Variants in PDE8A observed in about 807,000 individuals in gnomAD.
PDE8A encodes the protein high affinity cAMP-specific and IBMX-insensitive 3',5'-cyclic phosphodiesterase 8A.
PDE8A carries 59 observed loss-of-function variants against 105.0 expected under a neutral mutation model. That is an observed-to-expected ratio of 0.56 (90% CI 0.46 to 0.70). PDE8A has a LOEUF of 0.70. PDE8A is among the 30% of genes least tolerant of loss of function. PDE8A has a pLI of 0.00. For synonymous variants in PDE8A, 355 were observed against 371.9 expected (o/e 0.95, Z 0.52); for missense variants, 1,014 against 1,045.9 (o/e 0.97, Z 0.42).
At chr15:85,092,920 C>CTTTTT (rs5814181) in intron 8 of PDE8A, among the ~76,000 whole-genome samples, 3 of 132,050 alleles carry the variant, frequency 2.3e-5, no homozygotes, top group African/African-American at 5.7e-5. Context: ...TACTGCTTTC[C>CTTTTT]TTTTTTTTTT....
At position 85,136,524 on chromosome 15, in the gene PDE8A, T is replaced by C. The variant is rs1367890445; in HGVS notation, c.2254-10T>C. 9 of 1,610,998 alleles carry C rather than the reference T, an allele frequency of 5.6e-6. No homozygotes were observed. Among genetic ancestry groups the C allele is most frequent in the African/African-American group, 1.3e-5 (1 of 74,980 alleles). On this transcript the variant is annotated splice_polypyrimidine_tract_variant and intron_variant, in intron 20 of 21. Coordinates refer to ENST00000394553, the MANE Select transcript of PDE8A (RefSeq NM_002605.3). ...GTTGGGGTCTCCTGATCACATTTTCTGCTTTACAGACTGATGAAGAGAAGC... is the reference window on the plus strand; with the variant it reads ...GTTGGGGTCTCCTGATCACATTTTCCGCTTTACAGACTGATGAAGAGAAGC...
intron 3 of PDE8A, among the ~76,000 whole-genome samples, chr15:85,069,277 T>C (rs146431967): frequency 1.1e-4 from 16 of 152,332 alleles, no homozygotes; most frequent in African/African-American, 3.4e-4. Context: ...GCAGAGAATG[T>C]CAGATGTGCC....
intron 1 of PDE8A, among the ~76,000 whole-genome samples, chr15:85,058,294 C>G (rs12908535): frequency 0.14 from 21,119 of 151,976 alleles, 1,911 homozygotes; most frequent in Middle Eastern, 0.24. Context: ...GTTATTTTGC[C>G]TAGGCTTGTC....
intron 1 of PDE8A, among the ~76,000 whole-genome samples, chr15:85,005,821 A>G (rs986160838): frequency 1.3e-5 from 2 of 152,104 alleles, no homozygotes; most frequent in African/African-American, 2.4e-5. Context: ...TAAAAAATAC[A>G]TATAATAAGT....
intron 8 of PDE8A, among the ~76,000 whole-genome samples, chr15:85,095,657 A>G (rs1351383233): frequency 6.6e-6 from 1 of 150,914 alleles, no homozygotes; most frequent in African/African-American, 2.4e-5. Context: ...ACTAAATCTT[A>G]TATGATATTT....
In PDE8A at chr15:85,138,376, A is replaced by T. The variant is rs919368378; in HGVS notation, c.*473A>T. On this transcript the variant is annotated 3_prime_UTR_variant, in exon 22 of 22. Coordinates refer to ENST00000394553, the MANE Select transcript of PDE8A (RefSeq NM_002605.3). The stretch of plus-strand genomic sequence containing the variant: ...ACTACTGAGAGTGACTTCTCTTTTA[A>T]AATTGAGTAGCAGATGAAAAATTAA... 2 of 152,882 alleles carry T rather than the reference A, an allele frequency of 1.3e-5. No individual in the cohort carries two copies. The highest frequency in any genetic ancestry group is 2.9e-5 in the Non-Finnish European group (2 of 68,244). The allele number at this position is 152,882 out of a possible 1,614,324, so 9.5% of individuals were successfully genotyped here.
intron 12 of PDE8A, among the ~76,000 whole-genome samples, chr15:85,111,917 G>A (rs1452404661): frequency 1.3e-5 from 2 of 152,056 alleles, no homozygotes; most frequent in African/African-American, 2.4e-5. Context: ...TTTATTCTTA[G>A]GTATTGATGG....
At chr15:85,136,725 G>A (rs1596554717) in intron 21 of PDE8A, 62 bp downstream of exon 21, 1 of 1,498,460 alleles carries the variant, frequency 6.7e-7, no homozygotes. Context: ...GCGTATGAAA[G>A]AGCAGAGTGC....
rs113595249 is a variant in PDE8A at position 84,995,648 on chromosome 15, C to T, written c.186+13300C>T. On this transcript the variant is annotated intron_variant, in intron 1 of 21. Transcript: ENST00000394553. The stretch of plus-strand genomic sequence containing the variant: ...TGTACTTTTATATAAGACTTCTTTC[C>T]CTAAGCGTTATGTTTTTGGGATTCA... Among the ~76,000 whole-genome samples the T allele has an allele frequency of 3.2e-3, 492 of 152,226 alleles. 2 individuals are homozygous for T. The highest frequency in any genetic ancestry group is 0.011 in the African/African-American group (477 of 41,550).
chr15:85,068,462 T>G (rs1382526276), intron 3 of PDE8A, among the ~76,000 whole-genome samples: 2 of 152,178 alleles, frequency 1.3e-5, no homozygotes, highest in Non-Finnish European at 1.5e-5. Flanking sequence ...AGGTCCTTGT[T>G]TGGCTCTTCC....
At chr15:85,123,607 A>G (rs773030956) in intron 19 of PDE8A, among the ~76,000 whole-genome samples, 2 of 152,072 alleles carry the variant, frequency 1.3e-5, no homozygotes, top group African/African-American at 4.8e-5. Flanking sequence ...TTTGATGGCA[A>G]TTGATTTGAT....
At chr15:85,004,787 C>G (rs1050260909) in intron 1 of PDE8A, among the ~76,000 whole-genome samples, 1 of 150,476 alleles carries the variant, frequency 6.6e-6, no homozygotes, top group African/African-American at 2.4e-5. Flanking sequence ...ATGGATGTAT[C>G]TTAGTTTCAC....
rs2081186951 is a variant in PDE8A at position 85,064,210 on chromosome 15, C to T, written c.187-160C>T. The stretch of plus-strand genomic sequence containing the variant: ...TTTTCCTGGGGGCTATAAGGAGATC[C>T]TTAGGATTCCTCATAATCATTTCAT... On this transcript the variant is annotated intron_variant, in intron 1 of 21. Transcript: ENST00000394553. 3 of 553,634 alleles carry T rather than the reference C, an allele frequency of 5.4e-6. No individual in the cohort carries two copies. The African/African-American group carries it at 5.7e-5, about 11-fold the overall frequency. 34.3% of individuals were successfully genotyped at this position (553,634 alleles called of 1,614,324 possible).
At position 85,071,663 on chromosome 15, in the gene PDE8A, C is replaced by T. The variant is rs536875494; in HGVS notation, c.435-4199C>T. Among the ~76,000 whole-genome samples the T allele has an allele frequency of 1.8e-4, 28 of 152,272 alleles. 1 individual carries two copies. The highest frequency in any genetic ancestry group is 1.7e-3 in the East Asian group (9 of 5,186). ...GAACTGTGCTTGTTGATGTGATCTA[C>T]CGCCCAGACCTAAGAGGAGGACAGC... On this transcript the variant is annotated intron_variant, in intron 3 of 21. Transcript: ENST00000394553.
intron 5 of PDE8A, 61 bp downstream of exon 5, chr15:85,076,848 G>T: frequency 9.4e-7 from 1 of 1,060,556 alleles, no homozygotes; most frequent in South Asian, 1.3e-5. Flanking sequence ...TTTTATCTCA[G>T]TTCAGTACCC....
At chr15:85,123,621 G>A (rs930757782) in intron 19 of PDE8A, among the ~76,000 whole-genome samples, 1 of 151,992 alleles carries the variant, frequency 6.6e-6, no homozygotes, top group African/African-American at 2.4e-5. Flanking sequence ...ATTTGATTGT[G>A]CCCACCAGAT....
At chr15:85,013,600 T>A (rs2080275004) in intron 1 of PDE8A, among the ~76,000 whole-genome samples, 1 of 152,252 alleles carries the variant, frequency 6.6e-6, no homozygotes, top group African/African-American at 2.4e-5. Flanking sequence ...GTGGAGAATT[T>A]ATAACATGTA....
chr15:85,099,275 A>G (rs2081815963), intron 9 of PDE8A, among the ~76,000 whole-genome samples: 1 of 152,214 alleles, frequency 6.6e-6, no homozygotes, highest in Admixed American at 6.5e-5. Context: ...TTTCTAGCCC[A>G]GGGGTCCAGC....
In PDE8A at chr15:85,083,583, G is replaced by T; in HGVS notation, c.574G>T (p.Ala192Ser). Reference protein sequence around the residue: ...RRYVENPNIMACYNELLQLEF... With the variant: ...RRYVENPNIMSCYNELLQLEF... ...GTATGTAGAAAACCCCAACATCATG[G>T]CCTGCTACAATGAACTGCTCCAGCT... The change falls in exon 6 of 22, where the codon GCC (alanine) becomes TCC (serine). Residue 192 changes from alanine to serine, a missense_variant. By Grantham distance (99) the Ala-to-Ser change is moderately conservative. Coordinates refer to ENST00000394553, the MANE Select transcript of PDE8A (RefSeq NM_002605.3). 6.2e-7 allele frequency: 1 copy of T among 1,613,164 alleles called. No homozygotes were observed.
Sources: gnomAD v4.1 joint callset for allele counts (sites outside exome capture counted in the v4.1 genomes callset) on GRCh38, gnomAD v4.1.1 for gene constraint, MANE v1.5 for transcripts, NCBI Gene and HGNC (gene_info 2026-07-23, HGNC 2026-07-21) for gene names.